CCNJL: variants seen among roughly 807,000 people sequenced by gnomAD.
CCNJL encodes cyclin J like.
In CCNJL, 33 loss-of-function variants were observed where a neutral mutation model predicts 33.4. That is an observed-to-expected ratio of 0.99 (90% CI 0.75 to 1.32). The LOEUF (loss-of-function observed/expected upper bound fraction) is 1.32, where lower values mean the gene tolerates loss of function less well. Among genes scored for constraint, CCNJL ranks in the 40% most tolerant of loss-of-function variants. CCNJL has a pLI of 0.00. For missense variants in CCNJL, 512 were observed against 499.7 expected (o/e 1.02, Z -0.23); for synonymous variants, 227 against 220.9 (o/e 1.03, Z -0.24).
chr5:160,316,973 A>C (rs936353558), upstream of CCNJL, among the ~76,000 whole-genome samples: 1 of 152,212 alleles, frequency 6.6e-6, no homozygotes, highest in Non-Finnish European at 1.5e-5. Flanking sequence ...TGTCCAGGGG[A>C]AGTTGAGGCA....
chr5:160,332,689 T>C (rs965431855), intron 1 of CCNJL, among the ~76,000 whole-genome samples: 3 of 152,138 alleles, frequency 2.0e-5, no homozygotes, highest in Admixed American at 6.5e-5. Flanking sequence ...AGCTCTCCAA[T>C]ATCCTTCAAG....
At position 160,280,519 on chromosome 5, in the gene CCNJL, G is replaced by A. The variant is rs374745062; in HGVS notation, c.280+6C>T. 1.4e-4 allele frequency: 226 copies of A among 1,610,010 alleles called. No homozygotes were observed. The highest frequency in any genetic ancestry group is 1.7e-4 in the Non-Finnish European group (201 of 1,178,980). On this transcript the variant is annotated splice_donor_region_variant and intron_variant, in intron 3 of 5. Transcript: ENST00000257536. ...AGCGCGGAGGAAGACGTAGGTTTTC[G>A]CTTACTTGCAAGCAGGAGGCAGGAG...
rs1211392962 is a variant in CCNJL, at chr5:160,319,217, G to GCTGAGGGA, written n.207-3713_207-3712insTCCCTCAG. ...GGCCTAGAACTCCTGGGTTCAACAA[G>GCTGAGGGA]GGATCCTCCTGCCTCAGCCTTTTGA... On this transcript the variant is annotated intron_variant and non_coding_transcript_variant, in intron 1 of 7. Coordinates refer to the CCNJL transcript ENST00000377503. Among the ~76,000 whole-genome samples the GCTGAGGGA allele has an allele frequency of 2.0e-5, 3 of 152,170 alleles. No homozygotes were observed. In the East Asian group the frequency reaches 5.8e-4, roughly 29 times the overall value.
At chr5:160,298,394 G>A (rs1762817277) in intron 2 of CCNJL, among the ~76,000 whole-genome samples, 1 of 152,050 alleles carries the variant, frequency 6.6e-6, no homozygotes, top group Non-Finnish European at 1.5e-5. Context: ...GTGAAGTCCA[G>A]GAAGGCAATT....
intron 3 of CCNJL, among the ~76,000 whole-genome samples, chr5:160,264,381 G>A (rs1376997339): frequency 1.3e-5 from 2 of 152,050 alleles, no homozygotes; most frequent in Non-Finnish European, 2.9e-5. Context: ...TTCTGCATGT[G>A]GCTGGCTGAT....
intron 2 of CCNJL, among the ~76,000 whole-genome samples, chr5:160,311,334 A>C (rs901785700): frequency 3.3e-5 from 5 of 152,178 alleles, no homozygotes; most frequent in Non-Finnish European, 5.9e-5. Context: ...ATACACATAG[A>C]TACACGTATT....
chr5:160,265,495 A>C (rs1216861881), intron 3 of CCNJL, among the ~76,000 whole-genome samples: 1 of 152,038 alleles, frequency 6.6e-6, no homozygotes, highest in Non-Finnish European at 1.5e-5. Flanking sequence ...AAAATTACCC[A>C]GGTGTGGTAG....
At chr5:160,309,031 G>C (rs143023300) in intron 2 of CCNJL, among the ~76,000 whole-genome samples, 1 of 152,198 alleles carries the variant, frequency 6.6e-6, no homozygotes, top group African/African-American at 2.4e-5. Context: ...GGGTAGGGAA[G>C]GGGTAAGAGA....
chr5:160,315,885 A>G (rs2113467977), upstream of CCNJL, among the ~76,000 whole-genome samples: 1 of 152,240 alleles, frequency 6.6e-6, no homozygotes, highest in Admixed American at 6.5e-5. Context: ...CAGTCTTTCT[A>G]TGCTGGGTAC....
intron 1 of CCNJL, among the ~76,000 whole-genome samples, chr5:160,337,267 C>T (rs756082602): frequency 6.6e-6 from 1 of 151,414 alleles, no homozygotes; most frequent in Non-Finnish European, 1.5e-5. Context: ...CCTTCTGTCT[C>T]GCCTCGCCTC....
In CCNJL at chr5:160,259,516, T is replaced by A. The variant is rs374403605; in HGVS notation, c.536A>T (p.Glu179Val). The A allele has an allele frequency of 6.2e-7, 1 of 1,614,142 alleles. No individual in the cohort carries two copies. Among genetic ancestry groups the A allele is most frequent in the Non-Finnish European group, 8.5e-7 (1 of 1,180,016 alleles). ...GTAATGGGCATACTCCTTGAGGCACTCTTTGGTCTTGCGGGGGCAGGTGGT... is the reference window on the plus strand; with the variant it reads ...GTAATGGGCATACTCCTTGAGGCACACTTTGGTCTTGCGGGGGCAGGTGGT... Reference protein sequence around the residue: ...WPTTCPRKTKECLKEYAHYFL... With the variant: ...WPTTCPRKTKVCLKEYAHYFL... The change falls in exon 4 of 6, where the codon GAG becomes GTG. Residue 179 changes from glutamate to valine, a missense_variant. Transcript: ENST00000257536.
At chr5:160,273,618 C>CA in intron 3 of CCNJL, among the ~76,000 whole-genome samples, 1 of 146,956 alleles carries the variant, frequency 6.8e-6, no homozygotes, top group South Asian at 2.2e-4. Flanking sequence ...TGCGTGTTTG[C>CA]AAAGCACCAC....
intron 1 of CCNJL, among the ~76,000 whole-genome samples, chr5:160,320,337 C>G (rs1204336777): frequency 6.6e-6 from 1 of 152,126 alleles, no homozygotes; most frequent in Non-Finnish European, 1.5e-5. Context: ...CTCAGTTTCT[C>G]CTTCTGTGAA....
intron 3 of CCNJL, among the ~76,000 whole-genome samples, chr5:160,264,000 A>G (rs1761462832): frequency 6.8e-6 from 1 of 148,082 alleles, no homozygotes; most frequent in African/African-American, 2.5e-5. Context: ...GCTGGAGTGC[A>G]AGTAGCTCAA....
intron 1 of CCNJL, among the ~76,000 whole-genome samples, chr5:160,322,766 C>T (rs186752610): frequency 2.0e-4 from 29 of 148,356 alleles, no homozygotes; most frequent in African/African-American, 6.7e-4. Context: ...ATTAGCTGGG[C>T]GTGGTTGCGC....
chr5:160,333,194 C>A (rs1429984463), intron 1 of CCNJL, among the ~76,000 whole-genome samples: 1 of 151,688 alleles, frequency 6.6e-6, no homozygotes, highest in Non-Finnish European at 1.5e-5. Flanking sequence ...ACGCTCTCGG[C>A]TCATTGCAAG....
At chr5:160,257,602 C>T (rs1761125742) in intron 4 of CCNJL, among the ~76,000 whole-genome samples, 2 of 151,864 alleles carry the variant, frequency 1.3e-5, no homozygotes, top group Non-Finnish European at 2.9e-5. Context: ...AGCTTGAGCC[C>T]AGGAGTTCGA....
upstream of CCNJL, chr5:160,312,767 C>T (rs1491003750): frequency 6.6e-6 from 1 of 152,162 alleles, no homozygotes; most frequent in Non-Finnish European, 1.5e-5. Flanking sequence ...TAGTGGTAGC[C>T]TTCTGGGCAC....
intron 3 of CCNJL, among the ~76,000 whole-genome samples, chr5:160,277,548 T>G (rs1762056690): frequency 6.6e-6 from 1 of 152,182 alleles, no homozygotes. Flanking sequence ...TGTGTTAAGG[T>G]AGGAGACGCA....
Sources: allele counts gnomAD v4.1 joint callset (sites outside exome capture counted in the v4.1 genomes callset), GRCh38; gene constraint gnomAD v4.1.1; transcripts MANE v1.5; gene names NCBI Gene and HGNC (gene_info 2026-07-23, HGNC 2026-07-21).